CCSER1: variants seen among roughly 807,000 people sequenced by gnomAD.
CCSER1 encodes serine-rich coiled-coil domain-containing protein 1.
Under a neutral mutation model 82.0 loss-of-function variants are expected in CCSER1, and 41 were observed. The ratio of observed to expected loss-of-function variants is 0.50; its 90% CI spans 0.39 to 0.65. The LOEUF (loss-of-function observed/expected upper bound fraction) is 0.65. Among genes scored for constraint, CCSER1 ranks in the 30% least tolerant of loss-of-function variants. The pLI, the probability that CCSER1 is intolerant of heterozygous loss-of-function variation, is 0.00. For missense variants in CCSER1, 1,119 were observed against 1,064.2 expected, an observed-to-expected ratio of 1.05 and a Z score of -0.72; for synonymous variants, 414 against 383.9, an observed-to-expected ratio of 1.08 and a Z score of -0.92.
chr4:91,571,903 C>T (rs950426562), intron 10 of CCSER1, among the ~76,000 whole-genome samples: 25 of 152,102 alleles, frequency 1.6e-4, no homozygotes, highest in South Asian at 4.1e-4. Context: ...GACTGGCCTC[C>T]TCTCCTTGGG....
chr4:91,567,035 GA>G (rs1762923559), intron 10 of CCSER1, among the ~76,000 whole-genome samples: 1 of 151,778 alleles, frequency 6.6e-6, no homozygotes, highest in African/African-American at 2.4e-5. Flanking sequence ...TTAGTGCTAT[GA>G]ATTTCCCTGC....
In CCSER1 at chr4:91,421,633, C is replaced by A. The variant is rs796816092; in HGVS notation, c.2218-176939C>A. Among the ~76,000 whole-genome samples the A allele has an allele frequency of 7.2e-5, 11 of 151,960 alleles. No homozygotes were observed. In the South Asian group the frequency reaches 2.1e-3, roughly 29 times the overall value. On this transcript the variant is annotated intron_variant, in intron 10 of 10. Transcript: ENST00000509176. ...TACCACCTGTCTGTATATCTTGTAA[C>A]CCACTCAAGTTGACGCATAAAATAA... is the stretch of plus-strand genomic sequence containing the variant.
chr4:91,499,401 G>A (rs898402450), intron 10 of CCSER1, among the ~76,000 whole-genome samples: 4 of 151,840 alleles, frequency 2.6e-5, no homozygotes, highest in Admixed American at 6.6e-5. Context: ...GCCCCTACAC[G>A]TGCACAGCCA....
At chr4:91,024,454 GT>G (rs1740310336) in intron 9 of CCSER1, among the ~76,000 whole-genome samples, 2 of 151,926 alleles carry the variant, frequency 1.3e-5, no homozygotes, top group Non-Finnish European at 2.9e-5. Flanking sequence ...GAAAAACTGA[GT>G]TTTTAAAAAG....
rs74370890 is a variant in CCSER1, at chr4:91,308,979, G to T, written c.2217+222985G>T. Reference sequence around the variant, plus strand: ...AAAGTGGTTACTTTTTAGGCTACTGGCCTAAACCCTATGGGAAAGTGAGCT... The same window carrying T: ...AAAGTGGTTACTTTTTAGGCTACTGTCCTAAACCCTATGGGAAAGTGAGCT... On this transcript the variant is annotated intron_variant, in intron 10 of 10. Coordinates refer to ENST00000509176, the MANE Select transcript of CCSER1 (RefSeq NM_001145065.2). 3.3e-3 allele frequency among the ~76,000 whole-genome samples: 505 copies of T among 152,006 alleles called. 3 individuals are homozygous for T. The highest frequency in any genetic ancestry group is 0.011 in the African/African-American group (461 of 41,516).
chr4:91,394,118 T>G (rs1428850375), intron 10 of CCSER1, among the ~76,000 whole-genome samples: 1 of 152,122 alleles, frequency 6.6e-6, no homozygotes, highest in African/African-American at 2.4e-5. Flanking sequence ...AGAAGCTAGA[T>G]GGCCTGCTTG....
chr4:90,982,172 G>A (rs1319640027), intron 9 of CCSER1, among the ~76,000 whole-genome samples: 2 of 151,798 alleles, frequency 1.3e-5, no homozygotes, highest in Admixed American at 6.6e-5. Context: ...AGATCAAGAT[G>A]CTGGCAGACT....
intron 3 of CCSER1, among the ~76,000 whole-genome samples, chr4:90,386,680 A>G (rs1446441407): frequency 2.6e-5 from 4 of 152,232 alleles, no homozygotes; most frequent in African/African-American, 9.6e-5. Context: ...TGCATAACAA[A>G]AGAAACAATC....
At chr4:91,098,262 G>A (rs1039861536) in intron 10 of CCSER1, among the ~76,000 whole-genome samples, 6 of 151,944 alleles carry the variant, frequency 3.9e-5, no homozygotes, top group African/African-American at 1.5e-4. Flanking sequence ...TATCTTTTGA[G>A]GAATTAAATA....
chr4:90,888,013 A>T lies in CCSER1; in HGVS notation c.2095-35357A>T, dbSNP rs1159581786. Among the ~76,000 whole-genome samples, 5 of 152,228 alleles carry T rather than the reference A, an allele frequency of 3.3e-5. No individual in the cohort carries two copies. In the East Asian group the frequency reaches 5.8e-4, roughly 18 times the overall value. On this transcript the variant is annotated intron_variant, in intron 8 of 10. Transcript: ENST00000509176. ...GTGGGTGCAACGGAGAAAAAGTTGT[A>T]AAAAGCCCATGTAAAAATAAAATGA...
At chr4:90,292,237 A>G (rs1255191589) in intron 1 of CCSER1, among the ~76,000 whole-genome samples, 1 of 151,860 alleles carries the variant, frequency 6.6e-6, no homozygotes, top group Non-Finnish European at 1.5e-5. Context: ...TTTTCCCTTC[A>G]TATCTATGGA....
intron 1 of CCSER1, among the ~76,000 whole-genome samples, chr4:90,274,249 T>A (rs1014225081): frequency 2.0e-5 from 3 of 152,106 alleles, no homozygotes; most frequent in African/African-American, 7.2e-5. Context: ...ACAAGAGGCA[T>A]CTCTTTAGTG....
intron 10 of CCSER1, among the ~76,000 whole-genome samples, chr4:91,484,298 A>G (rs183001009): frequency 4.6e-5 from 7 of 152,132 alleles, no homozygotes; most frequent in African/African-American, 1.7e-4. Flanking sequence ...TGCAAATCTC[A>G]CTTCTTTACA....
chr4:90,852,725 G>T (rs1764028313), intron 8 of CCSER1, among the ~76,000 whole-genome samples: 1 of 152,182 alleles, frequency 6.6e-6, no homozygotes, highest in Non-Finnish European at 1.5e-5. Context: ...AAGGGTAAAT[G>T]AAGTAGGACA....
chr4:91,383,889 A>G (rs942365799), intron 10 of CCSER1, among the ~76,000 whole-genome samples: 7 of 152,166 alleles, frequency 4.6e-5, no homozygotes, highest in Non-Finnish European at 1.0e-4. Flanking sequence ...CACTTTTGTA[A>G]ACCACAAAAA....
At chr4:90,635,841 T>C (rs1295330979) in intron 6 of CCSER1, among the ~76,000 whole-genome samples, 1 of 151,782 alleles carries the variant, frequency 6.6e-6, no homozygotes, top group Admixed American at 6.6e-5. Context: ...ATTTAATCAC[T>C]CCACATTGTA....
At chr4:90,381,443 A>G (rs1278446315) in intron 3 of CCSER1, among the ~76,000 whole-genome samples, 1 of 152,172 alleles carries the variant, frequency 6.6e-6, no homozygotes, top group Non-Finnish European at 1.5e-5. Context: ...GCTGATTACA[A>G]AAGGCTGAAT....
At chr4:90,161,921 A>G (rs1036281473) in intron 1 of CCSER1, among the ~76,000 whole-genome samples, 1 of 152,138 alleles carries the variant, frequency 6.6e-6, no homozygotes, top group Non-Finnish European at 1.5e-5. Context: ...TGTGAAAATA[A>G]AGTGCTACCT....
intron 8 of CCSER1, among the ~76,000 whole-genome samples, chr4:90,918,705 T>C (rs946494804): frequency 2.6e-5 from 4 of 151,636 alleles, no homozygotes; most frequent in Non-Finnish European, 5.9e-5. Flanking sequence ...CCAGCCTTTT[T>C]ATATAGACAA....
Sources: gnomAD v4.1 joint callset for allele counts (sites outside exome capture counted in the v4.1 genomes callset) on GRCh38, gnomAD v4.1.1 for gene constraint, MANE v1.5 for transcripts, NCBI Gene and HGNC (gene_info 2026-07-23, HGNC 2026-07-21) for gene names.